The following PDIA6 variants were observed in gnomAD, a reference collection of about 807,000 sequenced individuals.
PDIA6 encodes protein disulfide isomerase family A member 6.
Under a neutral mutation model 58.4 loss-of-function variants are expected in PDIA6, and 29 were observed. That is an observed-to-expected ratio of 0.50 (90% CI 0.37 to 0.68). PDIA6 has a LOEUF of 0.68. Among genes scored for constraint, PDIA6 ranks in the 30% least tolerant of loss-of-function variants. The pLI is 0.00. For synonymous variants in PDIA6, 192 were observed against 202.6 expected (o/e 0.95, Z 0.44); for missense variants, 480 against 551.0 (o/e 0.87, Z 1.29).
upstream of PDIA6, among the ~76,000 whole-genome samples, chr2:10,816,818 T>C (rs1667210601): frequency 6.6e-6 from 1 of 152,112 alleles, no homozygotes; most frequent in African/African-American, 2.4e-5. Flanking sequence ...CAACATTCTG[T>C]TTTGTTGGGG....
chr2:10,830,450 A>G (rs1415021484), intron 1 of PDIA6, among the ~76,000 whole-genome samples: 1 of 152,174 alleles, frequency 6.6e-6, no homozygotes, highest in Admixed American at 6.5e-5. Flanking sequence ...GGGCACAGCT[A>G]TGGGGCAGGA....
chr2:10,827,501 G>T (rs1412735604), intron 1 of PDIA6, among the ~76,000 whole-genome samples: 1 of 152,092 alleles, frequency 6.6e-6, no homozygotes, highest in Admixed American at 6.6e-5. Context: ...TTTAGTGATT[G>T]AAAATTTAAT....
intron 4 of PDIA6, among the ~76,000 whole-genome samples, chr2:10,795,885 G>C (rs1195212297): frequency 6.6e-6 from 1 of 152,104 alleles, no homozygotes; most frequent in Non-Finnish European, 1.5e-5. Context: ...CAAAACCTAA[G>C]ATGACAAAGT....
chr2:10,829,476 C>G (rs1399548475), intron 1 of PDIA6, among the ~76,000 whole-genome samples: 1 of 152,236 alleles, frequency 6.6e-6, no homozygotes, highest in Admixed American at 6.5e-5. Context: ...AGGGTGTTGA[C>G]TTTTTGCTCT....
Position 10,788,081 on chromosome 2 carries a change from G to GAA in PDIA6, c.998+615_998+616insTT. ...ACTCTGTCTCAAAAAAAAAAAAAAA[G>GAA]GATAAAATAGGAAAGAGATACACTG... On this transcript the variant is annotated intron_variant, in intron 10 of 12. Transcript: ENST00000272227. Among the ~76,000 whole-genome samples the GAA allele has an allele frequency of 1.6e-5, 2 of 123,846 alleles. 1 individual carries two copies. Among genetic ancestry groups the GAA allele is most frequent in the South Asian group, 5.2e-4 (2 of 3,856 alleles). 81.2% of individuals were successfully genotyped at this position (123,846 alleles called of 152,430 possible).
At chr2:10,800,711 C>T (rs1473418412) in intron 2 of PDIA6, among the ~76,000 whole-genome samples, 1 of 151,878 alleles carries the variant, frequency 6.6e-6, no homozygotes, top group Admixed American at 6.6e-5. Context: ...GGTGATCTTC[C>T]CACCTCAGCC....
chr2:10,819,859 G>T (rs528173904), intron 1 of PDIA6, among the ~76,000 whole-genome samples: 27 of 152,282 alleles, frequency 1.8e-4, no homozygotes, highest in African/African-American at 6.3e-4. Flanking sequence ...GGTTAGAGTT[G>T]CCCCATGGGT....
chr2:10,797,527 T>G (rs756581036), intron 3 of PDIA6, among the ~76,000 whole-genome samples, 173 bp downstream of exon 3: 1 of 152,224 alleles, frequency 6.6e-6, no homozygotes, highest in Non-Finnish European at 1.5e-5. Context: ...GTTCTCAGTA[T>G]GATTTTGACA....
chr2:10,793,774 A>G (rs182905194), intron 4 of PDIA6, among the ~76,000 whole-genome samples: 68 of 152,354 alleles, frequency 4.5e-4, no homozygotes, highest in Admixed American at 4.4e-3. Flanking sequence ...ATGGATGAAT[A>G]AGAAGCTTAA....
intron 2 of PDIA6, among the ~76,000 whole-genome samples, chr2:10,818,485 T>A (rs534984497): frequency 0.063 from 2,964 of 46,826 alleles, 43 homozygotes; most frequent in Non-Finnish European, 0.067. Context: ...CCATTTAATT[T>A]ATTTATTTAT....
intron 2 of PDIA6, among the ~76,000 whole-genome samples, chr2:10,801,417 G>T (rs1421722100): frequency 6.6e-6 from 1 of 152,148 alleles, no homozygotes; most frequent in Non-Finnish European, 1.5e-5. Flanking sequence ...TCTCTTGTAT[G>T]GTCGCTCTCA....
chr2:10,827,318 C>T (rs1453624001), intron 1 of PDIA6, among the ~76,000 whole-genome samples: 7 of 152,102 alleles, frequency 4.6e-5, no homozygotes, highest in Non-Finnish European at 1.0e-4. Flanking sequence ...CCTCCTCAGC[C>T]TCCCAAAGTG....
upstream of PDIA6, among the ~76,000 whole-genome samples, chr2:10,834,431 A>C: frequency 7.3e-6 from 1 of 136,926 alleles, no homozygotes; most frequent in African/African-American, 2.7e-5. Context: ...CCCTCCTTCC[A>C]CGGAGGCCTG....
chr2:10,798,631 T>C (rs995795057), intron 2 of PDIA6, among the ~76,000 whole-genome samples: 1 of 151,360 alleles, frequency 6.6e-6, no homozygotes, highest in Non-Finnish European at 1.5e-5. Context: ...TTAAACTCTA[T>C]AATTTACAAC....
intron 1 of PDIA6, chr2:10,837,508 T>TA (rs1446793407): frequency 2.8e-6 from 2 of 706,170 alleles, no homozygotes; most frequent in African/African-American, 3.5e-5. Context: ...AAGGAGCACT[T>TA]ATGCAGCACA....
chr2:10,785,631 AT>A (rs1240710747), intron 11 of PDIA6, among the ~76,000 whole-genome samples: 1 of 152,248 alleles, frequency 6.6e-6, no homozygotes, highest in Non-Finnish European at 1.5e-5. Flanking sequence ...AAGCAAACCT[AT>A]TATTAGAAAA....
chr2:10,801,980 C>T (rs1666529084), intron 2 of PDIA6, among the ~76,000 whole-genome samples: 1 of 152,214 alleles, frequency 6.6e-6, no homozygotes, highest in East Asian at 1.9e-4. Flanking sequence ...GCCTCATATA[C>T]ATCTTGCACA....
chr2:10,786,324 G>A (rs1665753213), intron 11 of PDIA6, among the ~76,000 whole-genome samples: 1 of 125,386 alleles, frequency 8.0e-6, no homozygotes. Flanking sequence ...GGGGTGGGGG[G>A]GAAAGAAAAC....
chr2:10,801,710 T>C (rs1233730715), intron 2 of PDIA6, among the ~76,000 whole-genome samples: 1 of 152,232 alleles, frequency 6.6e-6, no homozygotes, highest in Non-Finnish European at 1.5e-5. Context: ...AAATGGTCCA[T>C]GAGGACTGGT....
Sources: allele counts gnomAD v4.1 joint callset (sites outside exome capture counted in the v4.1 genomes callset), GRCh38; gene constraint gnomAD v4.1.1; transcripts MANE v1.5; gene names NCBI Gene and HGNC (gene_info 2026-07-23, HGNC 2026-07-21).